TMF1: variants seen among roughly 807,000 people sequenced by gnomAD.
TMF1 encodes TATA element modulatory factor.
TMF1 carries 71 observed loss-of-function variants against 126.5 expected under a neutral mutation model. The ratio of observed to expected loss-of-function variants is 0.56; its 90% CI spans 0.46 to 0.68. TMF1 has a LOEUF of 0.68. Ranked by LOEUF, TMF1 falls within the 30% of genes least tolerant of loss-of-function variation. TMF1 has a pLI of 0.00. For synonymous variants in TMF1, 461 were observed against 430.5 expected, an observed-to-expected ratio of 1.07 and a Z score of -0.88; for missense variants, 1,259 against 1,253.2, an observed-to-expected ratio of 1.00 and a Z score of -0.07.
At chr3:69,030,179 T>C (rs1415265587) in intron 10 of TMF1, 172 bp from the exon 11 acceptor site, 6 of 496,982 alleles carry the variant, frequency 1.2e-5, no homozygotes, top group African/African-American at 3.9e-5. Context: ...AATCTTAACT[T>C]ATACCTGCTT....
intron 9 of TMF1, among the ~76,000 whole-genome samples, chr3:69,034,761 G>A (rs1443415090): frequency 2.6e-5 from 4 of 152,072 alleles, no homozygotes; most frequent in African/African-American, 7.2e-5. Flanking sequence ...ATTAATAAGC[G>A]ATTACAAATG....
intron 2 of TMF1, among the ~76,000 whole-genome samples, chr3:69,046,560 T>C (rs1388066111): frequency 6.6e-6 from 1 of 152,220 alleles, no homozygotes; most frequent in African/African-American, 2.4e-5. Context: ...TTACAGGACA[T>C]TTCTTCAAGA....
chr3:69,052,090 CCCT>C lies in TMF1; in HGVS notation c.-7_-5del, dbSNP rs756704366. 31 of 1,606,906 alleles carry C rather than the reference CCCT, an allele frequency of 1.9e-5. No homozygotes were observed. Among genetic ancestry groups the C allele is most frequent in the Non-Finnish European group, 2.5e-5 (30 of 1,177,376 alleles). On this transcript the variant is annotated 5_prime_UTR_variant, in exon 1 of 17. Transcript: ENST00000398559. ...GGGAGGCGTTGAACCAACTCATCGC[CCCT>C]CCTCAGCCGGCAGTGGCGGCGGCAG...
At position 69,033,712 on chromosome 3, in the gene TMF1, AT is replaced by A. The variant is rs1221854070; in HGVS notation, c.2245-9del. ...CTCTGCTTCCTGGAGTCTCTGAATCATGAAATTCTGAAGTCATTACCAATGA... is the reference window on the plus strand; with the variant it reads ...CTCTGCTTCCTGGAGTCTCTGAATCAGAAATTCTGAAGTCATTACCAATGA... On this transcript the variant is annotated splice_polypyrimidine_tract_variant and intron_variant, in intron 9 of 16. Transcript: ENST00000398559. 1 of 1,598,900 alleles carries A rather than the reference AT, an allele frequency of 6.3e-7. No individual in the cohort carries two copies. Among genetic ancestry groups the A allele is most frequent in the Non-Finnish European group, 8.5e-7 (1 of 1,174,388 alleles).
intron 2 of TMF1, among the ~76,000 whole-genome samples, chr3:69,045,354 A>AGGCT (rs1228743676): frequency 6.6e-6 from 1 of 152,134 alleles, no homozygotes; most frequent in African/African-American, 2.4e-5. Context: ...GCTACTCAGG[A>AGGCT]GGCTGAGGCT....
At position 69,047,983 on chromosome 3, in the gene TMF1, G is replaced by A. The variant is rs756820108; in HGVS notation, c.722C>T (p.Thr241Ile). Residue 241 changes from threonine (T) to isoleucine (I), a missense_variant, in exon 2 of 17, where the codon ACA (threonine) becomes ATA (isoleucine). Thr to Ile is a moderately conservative substitution (Grantham distance 89). Coordinates refer to ENST00000398559, the MANE Select transcript of TMF1 (RefSeq NM_007114.3). ...EQKHEDRQSN[T>I]PSPPVSTFSS... ...AAAGGTACTAACAGGAGGAGAAGGT[G>A]TATTGCTCTGCCTGTCTTCATGTTT... 2.5e-6 allele frequency: 4 copies of A among 1,613,870 alleles called. 1 individual carries two copies. Among genetic ancestry groups the A allele is most frequent in the Admixed American group, 3.3e-5 (2 of 60,022 alleles).
intron 5 of TMF1, among the ~76,000 whole-genome samples, chr3:69,041,561 TATAAAA>T (rs1178899795): frequency 6.6e-6 from 1 of 152,108 alleles, no homozygotes; most frequent in African/African-American, 2.4e-5. Context: ...TTATTAACAT[TATAAAA>T]ATAAATGTAC....
chr3:69,041,780 T>C (rs2091866373), intron 5 of TMF1, among the ~76,000 whole-genome samples: 1 of 152,222 alleles, frequency 6.6e-6, no homozygotes, highest in East Asian at 1.9e-4. Context: ...CCTTATAATA[T>C]TGGATTATAA....
chr3:69,033,501 C>T (rs1282539368), intron 10 of TMF1, 47 bp downstream of exon 10: 1 of 1,559,244 alleles, frequency 6.4e-7, no homozygotes. Context: ...ATTCTATAAA[C>T]AAGATGGAAG....
intron 6 of TMF1, 106 bp from the exon 7 acceptor site, chr3:69,039,115 G>T (rs41291195): frequency 0.013 from 12,912 of 995,428 alleles, 109 homozygotes; most frequent in Non-Finnish European, 0.016. Context: ...ATATTTTTTT[G>T]AGACAAAGTC....
chr3:69,024,065 G>A lies in TMF1; in HGVS notation c.3128C>T (p.Thr1043Ile). The change falls in exon 16 of 17, where the codon ACT becomes ATT. Residue 1043 changes from threonine (T) to isoleucine (I), a missense_variant. Transcript: ENST00000398559. ...GTGAAGAATACTTACTCTTAGCTGA[G>A]TTCTAAGTTTGGGTATCTCCTTCAC... is the stretch of plus-strand genomic sequence containing the variant. Reference protein sequence around the residue: ...EKVKEIPKLRTQLRDLDQRYN... With the variant: ...EKVKEIPKLRIQLRDLDQRYN... 1.2e-6 allele frequency: 2 copies of A among 1,606,336 alleles called. No homozygotes were observed. The highest frequency in any genetic ancestry group is 8.5e-7 in the Non-Finnish European group (1 of 1,177,546).
At chr3:69,040,760 A>C (rs928849195) in intron 5 of TMF1, among the ~76,000 whole-genome samples, 3 of 152,076 alleles carry the variant, frequency 2.0e-5, no homozygotes, top group Admixed American at 1.3e-4. Flanking sequence ...CATCTCTACT[A>C]AAAATACAAA....
At chr3:69,032,582 G>C (rs2091808797) in intron 10 of TMF1, among the ~76,000 whole-genome samples, 1 of 151,192 alleles carries the variant, frequency 6.6e-6, no homozygotes, top group Non-Finnish European at 1.5e-5. Context: ...GGCAACCTGG[G>C]GCATGACTGT....
chr3:69,046,453 T>C (rs892518376), intron 2 of TMF1, among the ~76,000 whole-genome samples: 3 of 152,194 alleles, frequency 2.0e-5, no homozygotes, highest in African/African-American at 7.2e-5. Flanking sequence ...TATTACTAAT[T>C]GAAATATTAT....
In TMF1 at chr3:69,022,869, C is replaced by A. The variant is rs2091747141; in HGVS notation, c.*308G>T. 4 of 201,104 alleles carry A rather than the reference C, an allele frequency of 2.0e-5. No individual in the cohort carries two copies. In the South Asian group the frequency reaches 4.3e-4, roughly 22 times the overall value. The allele number at this position is 201,104 out of a possible 1,614,324, so 12.5% of individuals were successfully genotyped here. A position where few individuals can be genotyped will look rare whatever the true frequency, so the allele number is the denominator to read the frequency against. On this transcript the variant is annotated 3_prime_UTR_variant, in exon 17 of 17. Coordinates refer to ENST00000398559, the MANE Select transcript of TMF1 (RefSeq NM_007114.3). ...ATATCTACAATACATATATGAACAC[C>A]ATTCTTCTTCTCTAGCCATATTTAT...
At chr3:69,047,271 T>A in intron 2 of TMF1, 87 bp downstream of exon 2, 1 of 1,414,226 alleles carries the variant, frequency 7.1e-7, no homozygotes, top group Non-Finnish European at 9.5e-7. Flanking sequence ...GTATAAATTA[T>A]TATGCATCAA....
At chr3:69,044,382 T>C (rs1453649546) in intron 3 of TMF1, 110 bp downstream of exon 3, 1 of 603,840 alleles carries the variant, frequency 1.7e-6, no homozygotes, top group East Asian at 3.0e-5. Context: ...CAACTTTCAA[T>C]AATGATAAAA....
chr3:69,025,888 G>A, intron 14 of TMF1, 108 bp downstream of exon 14: 1 of 1,117,450 alleles, frequency 8.9e-7, no homozygotes, highest in Middle Eastern at 2.2e-4. Flanking sequence ...GTATTCAGAT[G>A]AATTACCCAT....
chr3:69,032,945 C>CAGAA (rs1446843109), intron 10 of TMF1, among the ~76,000 whole-genome samples: 1 of 152,092 alleles, frequency 6.6e-6, no homozygotes, highest in East Asian at 1.9e-4. Flanking sequence ...TAGTATGTCT[C>CAGAA]TTCTAAGGTC....
Sources: gnomAD v4.1 joint callset for allele counts (sites outside exome capture counted in the v4.1 genomes callset) on GRCh38, gnomAD v4.1.1 for gene constraint, MANE v1.5 for transcripts, NCBI Gene and HGNC (gene_info 2026-07-23, HGNC 2026-07-21) for gene names.